CDH18: variants seen among roughly 807,000 people sequenced by gnomAD.
CDH18 encodes cadherin-18.
A neutral mutation model predicts 67.9 loss-of-function variants in CDH18; 31 were observed. The ratio of observed to expected loss-of-function variants is 0.46; its 90% CI spans 0.34 to 0.62. The LOEUF (loss-of-function observed/expected upper bound fraction) is 0.62, where lower values mean the gene tolerates loss of function less well. Among genes scored for constraint, CDH18 ranks in the 20% least tolerant of loss-of-function variants. The pLI is 0.01. For missense variants in CDH18, 890 were observed against 975.5 expected, an observed-to-expected ratio of 0.91 and a Z score of 1.17; for synonymous variants, 362 against 347.2, an observed-to-expected ratio of 1.04 and a Z score of -0.48.
intron 1 of CDH18, among the ~76,000 whole-genome samples, chr5:20,440,463 T>A (rs1749524248): frequency 6.6e-6 from 1 of 151,840 alleles, no homozygotes; most frequent in Admixed American, 6.6e-5. Context: ...GCCTAAAATG[T>A]ATGCAATAGG....
intron 2 of CDH18, among the ~76,000 whole-genome samples, chr5:20,134,287 T>C (rs561233310): frequency 1.3e-5 from 2 of 152,282 alleles, no homozygotes; most frequent in East Asian, 1.9e-4. Flanking sequence ...ACATCTTGTA[T>C]ATCGTTTTTA....
At chr5:19,876,605 G>A (rs1443804905) in intron 2 of CDH18, among the ~76,000 whole-genome samples, 1 of 152,088 alleles carries the variant, frequency 6.6e-6, no homozygotes, top group Admixed American at 6.6e-5. Flanking sequence ...TATCTGCAGG[G>A]GTGAGGTGGG....
At chr5:19,944,663 G>T (rs952591825) in intron 2 of CDH18, among the ~76,000 whole-genome samples, 5 of 152,098 alleles carry the variant, frequency 3.3e-5, no homozygotes, top group Non-Finnish European at 5.9e-5. Flanking sequence ...AAGCTGGTAT[G>T]TTTATTGATA....
chr5:20,057,671 A>G (rs963515017), intron 2 of CDH18, among the ~76,000 whole-genome samples: 1 of 152,166 alleles, frequency 6.6e-6, no homozygotes, highest in South Asian at 2.1e-4. Flanking sequence ...GTGACATCTT[A>G]GGTCTAAGCA....
At chr5:20,032,824 T>C (rs1377790909) in intron 2 of CDH18, among the ~76,000 whole-genome samples, 2 of 151,884 alleles carry the variant, frequency 1.3e-5, no homozygotes, top group East Asian at 1.9e-4. Flanking sequence ...TTTTAAAACA[T>C]CAGATGAGTA....
intron 2 of CDH18, among the ~76,000 whole-genome samples, chr5:19,922,295 C>T (rs960725024): frequency 1.3e-5 from 2 of 152,082 alleles, no homozygotes; most frequent in African/African-American, 2.4e-5. Flanking sequence ...TGAACTGAAG[C>T]AATATTAATA....
intron 6 of CDH18, among the ~76,000 whole-genome samples, chr5:19,604,407 T>C (rs1234278108): frequency 6.6e-6 from 1 of 152,054 alleles, no homozygotes; most frequent in Admixed American, 6.6e-5. Context: ...TTAGAAACTA[T>C]GATGTCTGAC....
At chr5:19,501,852 T>A (rs1233973829) in intron 11 of CDH18, among the ~76,000 whole-genome samples, 1 of 152,154 alleles carries the variant, frequency 6.6e-6, no homozygotes, top group East Asian at 1.9e-4. Flanking sequence ...TAGTTAATCA[T>A]ACTAAGTATA....
chr5:19,768,586 T>A (rs1240047514), intron 3 of CDH18, among the ~76,000 whole-genome samples: 1 of 152,174 alleles, frequency 6.6e-6, no homozygotes, highest in Non-Finnish European at 1.5e-5. Context: ...TAGTAAATGT[T>A]AATATATATA....
intron 2 of CDH18, among the ~76,000 whole-genome samples, chr5:20,209,178 T>G (rs1463770393): frequency 6.6e-6 from 1 of 152,054 alleles, no homozygotes; most frequent in Admixed American, 6.6e-5. Flanking sequence ...ACAACCGTTA[T>G]GAAAAACAGT....
intron 2 of CDH18, among the ~76,000 whole-genome samples, chr5:19,963,043 T>C (rs544627997): frequency 6.6e-6 from 1 of 152,064 alleles, no homozygotes; most frequent in African/African-American, 2.4e-5. Context: ...TGATCCATAA[T>C]CATTGCTAAC....
rs899078236 is a variant in CDH18, at chr5:20,496,617, C to T, written c.-580+78845G>A. On this transcript the variant is annotated intron_variant, in intron 1 of 14. Coordinates refer to the CDH18 transcript ENST00000507958. Reference sequence around the variant, plus strand: ...AATGAGGAAACAATGTGGGAATTATCGTTTCAGAGCAAAATTTTATAGTAA... The same window carrying T: ...AATGAGGAAACAATGTGGGAATTATTGTTTCAGAGCAAAATTTTATAGTAA... Among the ~76,000 whole-genome samples, 8 of 152,174 alleles carry T rather than the reference C, an allele frequency of 5.3e-5. No individual in the cohort carries two copies. In the South Asian group the frequency reaches 1.2e-3, roughly 24 times the overall value.
At chr5:19,776,224 G>A (rs551008854) in intron 3 of CDH18, among the ~76,000 whole-genome samples, 1 of 152,122 alleles carries the variant, frequency 6.6e-6, no homozygotes, top group African/African-American at 2.4e-5. Flanking sequence ...AAACATTATG[G>A]TCATAATTGT....
At chr5:20,563,021 TA>T (rs1231853295) in intron 1 of CDH18, among the ~76,000 whole-genome samples, 13 of 151,476 alleles carry the variant, frequency 8.6e-5, no homozygotes, top group Non-Finnish European at 4.4e-5. Flanking sequence ...GTGACCTAAC[TA>T]ATCTAGATCA....
At chr5:19,800,136 C>A (rs543327521) in intron 3 of CDH18, among the ~76,000 whole-genome samples, 1 of 151,992 alleles carries the variant, frequency 6.6e-6, no homozygotes, top group Non-Finnish European at 1.5e-5. Flanking sequence ...AAACCATATC[C>A]TTAAAAACAC....
intron 1 of CDH18, among the ~76,000 whole-genome samples, chr5:20,422,312 A>G (rs10941766): frequency 0.41 from 62,311 of 150,630 alleles, 14,990 homozygotes; most frequent in Non-Finnish European, 0.52. Flanking sequence ...TTAAAAATAC[A>G]TGTGATCATA....
intron 1 of CDH18, among the ~76,000 whole-genome samples, chr5:20,398,519 G>A (rs963292488): frequency 6.6e-6 from 1 of 152,108 alleles, no homozygotes; most frequent in Non-Finnish European, 1.5e-5. Flanking sequence ...GTGGATTCTC[G>A]AAGAGAAAAG....
At chr5:20,436,091 T>C (rs1042941742) in intron 1 of CDH18, among the ~76,000 whole-genome samples, 1 of 152,038 alleles carries the variant, frequency 6.6e-6, no homozygotes, top group Non-Finnish European at 1.5e-5. Flanking sequence ...CATATGTTGC[T>C]TAAATCACCT....
At chr5:20,015,992 A>T (rs1228804628) in intron 2 of CDH18, among the ~76,000 whole-genome samples, 1 of 152,162 alleles carries the variant, frequency 6.6e-6, no homozygotes, top group African/African-American at 2.4e-5. Context: ...AAATTGTTCT[A>T]CCATAAAGAC....
Sources: gnomAD v4.1 joint callset for allele counts (sites outside exome capture counted in the v4.1 genomes callset) on GRCh38, gnomAD v4.1.1 for gene constraint, MANE v1.5 for transcripts, NCBI Gene and HGNC (gene_info 2026-07-23, HGNC 2026-07-21) for gene names.